The following SFMBT1 variants were observed in gnomAD, a reference collection of about 807,000 sequenced individuals.
The protein encoded by SFMBT1 is Scm like with four mbt domains 1, also known as scm-like with four MBT domains protein 1.
SFMBT1 carries 32 observed loss-of-function variants against 108.7 expected under a neutral mutation model. The ratio of observed to expected loss-of-function variants is 0.29; its 90% confidence interval spans 0.22 to 0.40. SFMBT1 has a LOEUF of 0.40. Among genes scored for constraint, SFMBT1 ranks in the 10% least tolerant of loss-of-function variants. The pLI is 1.00. For missense variants in SFMBT1, 816 were observed against 1,059.6 expected (o/e 0.77, Z 3.19); for synonymous variants, 348 against 369.5 (o/e 0.94, Z 0.67).
intron 2 of SFMBT1, among the ~76,000 whole-genome samples, chr3:52,956,953 T>C (rs192074731): frequency 2.6e-5 from 4 of 152,104 alleles, no homozygotes; most frequent in Admixed American, 1.3e-4. Flanking sequence ...CTATTAAACA[T>C]AGTATTGGAA....
intron 1 of SFMBT1, among the ~76,000 whole-genome samples, chr3:53,027,151 G>A (rs1699521548): frequency 6.6e-6 from 1 of 152,076 alleles, no homozygotes; most frequent in East Asian, 1.9e-4. Context: ...CCTCTATTAA[G>A]ACCTGAAATT....
chr3:53,006,515 G>A (rs1274795896), intron 1 of SFMBT1, among the ~76,000 whole-genome samples: 1 of 151,942 alleles, frequency 6.6e-6, no homozygotes, highest in Non-Finnish European at 1.5e-5. Context: ...TGTAACCCCA[G>A]CTACTCAGGA....
intron 10 of SFMBT1, 35 bp downstream of exon 10, chr3:52,925,996 T>C: frequency 7.0e-7 from 1 of 1,418,538 alleles, no homozygotes; most frequent in Non-Finnish European, 9.3e-7. Flanking sequence ...CCTGCAGCCC[T>C]GCCATAGTGG....
intron 8 of SFMBT1, 163 bp from the exon 9 acceptor site, chr3:52,928,504 TTTAA>T: frequency 1.5e-6 from 1 of 658,464 alleles, no homozygotes; most frequent in South Asian, 2.2e-5. Context: ...TAATTACTGT[TTTAA>T]TTAAATGCTT....
At chr3:52,928,589 T>C (rs1261995327) in intron 8 of SFMBT1, 1 of 139,202 alleles carries the variant, frequency 7.2e-6, no homozygotes, top group Admixed American at 8.0e-5. Flanking sequence ...TATACATATA[T>C]ACATATATAT....
At position 52,954,340 on chromosome 3, in the gene SFMBT1, C is replaced by G; in HGVS notation, c.100G>C (p.Val34Leu). The G allele has an allele frequency of 6.2e-7, 1 of 1,613,562 alleles. No individual in the cohort carries two copies. The highest frequency in any genetic ancestry group is 8.5e-7 in the Non-Finnish European group (1 of 1,179,702). The part of the protein sequence containing the change: ...DYLEETGSTA[V>L]PYGSFKHVDT... Reference sequence around the variant, plus strand: ...ACATGTTTAAAAGACCCATAGGGAACTGCTGTGGACCCTGTTTCTTCTAGA... The same window carrying G: ...ACATGTTTAAAAGACCCATAGGGAAGTGCTGTGGACCCTGTTTCTTCTAGA... The change falls in exon 3 of 21, where the codon GTT becomes CTT. Residue 34 changes from valine to leucine, a missense_variant. Around this residue, in one of 5 missense-constraint regions of SFMBT1, gnomAD observed 495 missense variants for 607.4 expected, o/e 0.81. Coordinates refer to ENST00000394752, the MANE Select transcript of SFMBT1 (RefSeq NM_016329.4).
chr3:52,958,353 G>A (rs1024482713), intron 2 of SFMBT1, among the ~76,000 whole-genome samples: 1 of 152,218 alleles, frequency 6.6e-6, no homozygotes, highest in Admixed American at 6.5e-5. Context: ...CACTTTGGGA[G>A]GCCGCGGCAG....
At chr3:52,973,076 G>A (rs1704404518) in intron 1 of SFMBT1, among the ~76,000 whole-genome samples, 1 of 152,090 alleles carries the variant, frequency 6.6e-6, no homozygotes, top group Admixed American at 6.6e-5. Context: ...ATAAGGCTGG[G>A]CCCAATGGCT....
intron 1 of SFMBT1, among the ~76,000 whole-genome samples, chr3:52,992,638 G>T (rs900127713): frequency 2.6e-5 from 4 of 152,108 alleles, no homozygotes; most frequent in Non-Finnish European, 5.9e-5. Context: ...TCCTCAGTAT[G>T]TTTCCTTAAA....
Position 52,918,349 on chromosome 3 carries a change from G to A in SFMBT1, c.1415+135C>T, listed in dbSNP as rs892619269. 41 of 611,340 alleles carry A rather than the reference G, an allele frequency of 6.7e-5. No homozygotes were observed. The Admixed American group carries it at 1.0e-3, about 15-fold the overall frequency. The allele number at this position is 611,340 out of a possible 1,614,324, so 37.9% of individuals were successfully genotyped here. On this transcript the variant is annotated intron_variant, in intron 13 of 20. Coordinates refer to ENST00000394752, the MANE Select transcript of SFMBT1 (RefSeq NM_016329.4). ...TTAGAAAATGCATATACTGCAAAGAGAAGTATACAAATGATCAAATGTTGA... is the reference window on the plus strand; with the variant it reads ...TTAGAAAATGCATATACTGCAAAGAAAAGTATACAAATGATCAAATGTTGA...
intron 1 of SFMBT1, among the ~76,000 whole-genome samples, chr3:53,002,412 A>G (rs1031512971): frequency 2.0e-5 from 3 of 148,396 alleles, no homozygotes; most frequent in Non-Finnish European, 4.5e-5. Flanking sequence ...AAAAAAAAAA[A>G]AAAAAAAAGA....
intron 1 of SFMBT1, among the ~76,000 whole-genome samples, chr3:52,991,880 A>T (rs1044782449): frequency 6.6e-6 from 1 of 152,212 alleles, no homozygotes; most frequent in Non-Finnish European, 1.5e-5. Context: ...GAATAGTGAG[A>T]AAATAAGTTT....
chr3:52,993,666 A>G lies in SFMBT1; in HGVS notation c.-130-24408T>C, dbSNP rs950697296. On this transcript the variant is annotated intron_variant, in intron 1 of 20. Transcript: ENST00000394752. Reference sequence around the variant, plus strand: ...CTGTGACAGTATTTAAAACAGATGCACTGACAGCCAAAAAAAAGGGGAAAA... The same window carrying G: ...CTGTGACAGTATTTAAAACAGATGCGCTGACAGCCAAAAAAAAGGGGAAAA... 5.3e-5 allele frequency among the ~76,000 whole-genome samples: 8 copies of G among 150,068 alleles called. 1 individual carries two copies. The highest frequency in any genetic ancestry group is 2.7e-4 in the Admixed American group (4 of 14,812).
intron 1 of SFMBT1, among the ~76,000 whole-genome samples, chr3:53,030,683 C>CA (rs10668462): frequency 0.35 from 29,215 of 82,396 alleles, 5,901 homozygotes; most frequent in Middle Eastern, 0.49. Flanking sequence ...GGCCATAATG[C>CA]AAAAAAAAAA....
chr3:52,930,821 T>G (rs938703464), intron 7 of SFMBT1, 120 bp downstream of exon 7: 1 of 728,462 alleles, frequency 1.4e-6, no homozygotes, highest in African/African-American at 1.8e-5. Context: ...CACACCCTCC[T>G]CCTTCAGAGA....
intron 18 of SFMBT1, 30 bp downstream of exon 18, chr3:52,907,525 G>A: frequency 6.3e-7 from 1 of 1,597,686 alleles, no homozygotes; most frequent in Non-Finnish European, 8.5e-7. Flanking sequence ...TTGGCTTCAA[G>A]ACATTACAGG....
intron 1 of SFMBT1, among the ~76,000 whole-genome samples, chr3:52,991,355 T>C (rs1705118413): frequency 6.8e-6 from 1 of 147,780 alleles, no homozygotes; most frequent in South Asian, 2.2e-4. Context: ...TTTTTTTTTT[T>C]TTTTTTGAGA....
chr3:52,992,717 TAGC>T (rs1362755007), intron 1 of SFMBT1, among the ~76,000 whole-genome samples: 1 of 152,230 alleles, frequency 6.6e-6, no homozygotes, highest in Non-Finnish European at 1.5e-5. Flanking sequence ...ATAGGTGGGT[TAGC>T]ACACTCCACA....
chr3:52,943,661 T>C (rs1703266814), intron 3 of SFMBT1, 68 bp from the exon 4 acceptor site: 2 of 1,596,670 alleles, frequency 1.3e-6, no homozygotes. Context: ...ACCAATGTTC[T>C]TTTTTAAGAC....
Sources: allele counts gnomAD v4.1 joint callset (sites outside exome capture counted in the v4.1 genomes callset), GRCh38; gene constraint gnomAD v4.1.1; regional missense constraint gnomAD v4.1.1; transcripts MANE v1.5; gene names NCBI Gene and HGNC (gene_info 2026-07-23, HGNC 2026-07-21).